IPMK: variants seen among roughly 807,000 people sequenced by gnomAD.
IPMK encodes the protein inositol polyphosphate multikinase, also known as inositol 1,3,4,6-tetrakisphosphate 5-kinase.
IPMK carries 17 observed loss-of-function variants against 45.8 expected under a neutral mutation model. The observed-to-expected ratio is 0.37, with a 90% confidence interval of 0.25 to 0.56. The LOEUF (loss-of-function observed/expected upper bound fraction) is 0.56, where lower values mean the gene tolerates loss of function less well. Ranked by LOEUF, IPMK falls within the 20% of genes least tolerant of loss-of-function variation. The pLI, the probability that IPMK is intolerant of heterozygous loss-of-function variation, is 0.79. For synonymous variants in IPMK, 180 were observed against 184.3 expected, an observed-to-expected ratio of 0.98 and a Z score of 0.19; for missense variants, 399 against 498.0, an observed-to-expected ratio of 0.80 and a Z score of 1.89.
intron 4 of IPMK, chr10:58,212,979 A>C (rs748402177): frequency 5.5e-6 from 1 of 181,480 alleles, no homozygotes; most frequent in South Asian, 1.4e-4. Flanking sequence ...CCCAAATCTC[A>C]TAAATGTGGA....
intron 5 of IPMK, among the ~76,000 whole-genome samples, chr10:58,197,759 G>A (rs1300373426): frequency 1.3e-5 from 2 of 152,048 alleles, no homozygotes; most frequent in Non-Finnish European, 2.9e-5. Context: ...CGGGCTGGGC[G>A]CAGTGGCTCA....
chr10:58,204,901 G>A (rs1479582224), intron 4 of IPMK, among the ~76,000 whole-genome samples: 1 of 152,068 alleles, frequency 6.6e-6, no homozygotes, highest in East Asian at 1.9e-4. Flanking sequence ...CTTGGCATAA[G>A]GATAGACAAT....
intron 1 of IPMK, among the ~76,000 whole-genome samples, chr10:58,259,678 A>AAAAAAAAAAAAAAAAAAAAAAAC (rs984861270): frequency 1.4e-5 from 2 of 144,594 alleles, no homozygotes; most frequent in East Asian, 2.3e-4. Flanking sequence ...ACATAAAAAA[A>AAAAAAAAAAAAAAAAAAAAAAAC]AAAAAAAAAC....
intron 4 of IPMK, among the ~76,000 whole-genome samples, chr10:58,214,815 T>C (rs772520743): frequency 6.6e-6 from 1 of 152,246 alleles, no homozygotes; most frequent in Non-Finnish European, 1.5e-5. Flanking sequence ...AGCATTTGTT[T>C]AGAGGACTTT....
intron 1 of IPMK, 98 bp from the exon 2 acceptor site, chr10:58,237,912 C>T: frequency 1.2e-6 from 1 of 837,272 alleles, no homozygotes. Flanking sequence ...AAACTACTTC[C>T]ATTAAACTTA....
intron 1 of IPMK, among the ~76,000 whole-genome samples, chr10:58,238,043 A>G (rs539471926): frequency 6.6e-6 from 1 of 152,264 alleles, no homozygotes; most frequent in Non-Finnish European, 1.5e-5. Flanking sequence ...TCCAACCACT[A>G]CCTCTTTTGG....
At chr10:58,260,308 A>C (rs1360474589) in intron 1 of IPMK, among the ~76,000 whole-genome samples, 1 of 152,240 alleles carries the variant, frequency 6.6e-6, no homozygotes, top group Non-Finnish European at 1.5e-5. Context: ...AGGAAACTAA[A>C]GAATCGTAAC....
At chr10:58,228,046 C>A (rs1464724152) in intron 2 of IPMK, among the ~76,000 whole-genome samples, 1 of 152,156 alleles carries the variant, frequency 6.6e-6, no homozygotes, top group South Asian at 2.1e-4. Context: ...GACCAAATAT[C>A]CAAGTGGTAC....
At chr10:58,235,954 G>A (rs1838606143) in intron 2 of IPMK, among the ~76,000 whole-genome samples, 1 of 150,328 alleles carries the variant, frequency 6.7e-6, no homozygotes, top group Non-Finnish European at 1.5e-5. Context: ...TTTAGAGAGA[G>A]TCTCACCCTG....
intron 4 of IPMK, among the ~76,000 whole-genome samples, chr10:58,202,175 T>C (rs955961959): frequency 1.3e-5 from 2 of 152,208 alleles, no homozygotes; most frequent in African/African-American, 2.4e-5. Flanking sequence ...TGAAGGTATC[T>C]ACCCCAAACC....
intron 1 of IPMK, among the ~76,000 whole-genome samples, chr10:58,252,355 T>A (rs1006241813): frequency 1.3e-5 from 2 of 152,144 alleles, no homozygotes; most frequent in Non-Finnish European, 2.9e-5. Flanking sequence ...TATTAAGAGT[T>A]TTGTCTTTTA....
rs755244227 is a variant in IPMK, at chr10:58,267,547, G to A, written c.65C>T (p.Ser22Leu). ...CTCAGGGGTGGACTCGATCGCCGGT[G>A]AGGTCCGCATTTCTGGGGGGCCCGG... ...EAPGPPEMRT[S>L]PAIESTPEGT... Residue 22 changes from serine (S) to leucine (L), a missense_variant, in exon 1 of 6, where the codon TCA becomes TTA. Physicochemically the swap from Ser to Leu is moderately radical, Grantham distance 145. Around this residue, in one of 2 missense-constraint regions of IPMK, gnomAD observed 111 missense variants for 99.9 expected, o/e 1.11. Transcript: ENST00000373935. 7.4e-6 allele frequency: 12 copies of A among 1,611,558 alleles called. No homozygotes were observed. Among genetic ancestry groups the A allele is most frequent in the Non-Finnish European group, 1.0e-5 (12 of 1,179,194 alleles).
At position 58,218,088 on chromosome 10, in the gene IPMK, A is replaced by G. The variant is rs1334671840; in HGVS notation, c.374-1771T>C. Among the ~76,000 whole-genome samples the G allele has an allele frequency of 2.0e-5, 3 of 152,226 alleles. No homozygotes were observed. The East Asian group carries it at 5.8e-4, about 29-fold the overall frequency. ...TTATGCTTTAGTCAAAGAAGAAGAG[A>G]GCAGGGTTATAACTCTGTAGAACTA... is the stretch of plus-strand genomic sequence containing the variant. On this transcript the variant is annotated intron_variant, in intron 3 of 5. Transcript: ENST00000373935.
intron 4 of IPMK, among the ~76,000 whole-genome samples, chr10:58,202,830 T>A (rs1034646028): frequency 2.0e-5 from 3 of 152,218 alleles, no homozygotes; most frequent in African/African-American, 7.2e-5. Flanking sequence ...ACAGTGCACC[T>A]GGTCACCTAA....
chr10:58,202,247 T>C (rs1430554934), intron 4 of IPMK, among the ~76,000 whole-genome samples: 2 of 152,136 alleles, frequency 1.3e-5, no homozygotes, highest in Non-Finnish European at 2.9e-5. Flanking sequence ...AGGGTTTTCA[T>C]AGCTAGAGAT....
intron 4 of IPMK, among the ~76,000 whole-genome samples, chr10:58,205,966 G>A (rs555283351): frequency 6.6e-6 from 1 of 152,138 alleles, no homozygotes; most frequent in Non-Finnish European, 1.5e-5. Context: ...ATCTACCTGA[G>A]AGAAATAAAA....
chr10:58,229,447 C>T (rs1016151656), intron 2 of IPMK, among the ~76,000 whole-genome samples: 8 of 151,036 alleles, frequency 5.3e-5, no homozygotes, highest in African/African-American at 2.0e-4. Flanking sequence ...CCTGTAATCC[C>T]AGCTACTCAG....
In IPMK at chr10:58,194,185, C is replaced by A. The variant is rs1588948262; in HGVS notation, c.*1891G>T. 6.6e-6 allele frequency: 1 copy of A among 151,698 alleles called. No individual in the cohort carries two copies. Among genetic ancestry groups the A allele is most frequent in the Non-Finnish European group, 1.5e-5 (1 of 67,702 alleles). 9.4% of individuals were successfully genotyped at this position (151,698 alleles called of 1,614,324 possible). A position where few individuals can be genotyped will look rare whatever the true frequency, so the allele number is the denominator to read the frequency against. On this transcript the variant is annotated 3_prime_UTR_variant, in exon 6 of 6. Coordinates refer to ENST00000373935, the MANE Select transcript of IPMK (RefSeq NM_152230.5). ...TTCATTGTACATAGGTTGATATCATCCCATACAAAAAAAGCCTCAGTATCT... is the reference window on the plus strand; with the variant it reads ...TTCATTGTACATAGGTTGATATCATACCATACAAAAAAAGCCTCAGTATCT...
chr10:58,247,355 C>G (rs1422162091), intron 1 of IPMK, among the ~76,000 whole-genome samples: 3 of 151,316 alleles, frequency 2.0e-5, no homozygotes, highest in South Asian at 2.1e-4. Context: ...CACATGCACA[C>G]GTATGTTTAT....
Sources: gnomAD v4.1 joint callset for allele counts (sites outside exome capture counted in the v4.1 genomes callset) on GRCh38, gnomAD v4.1.1 for gene constraint, gnomAD v4.1.1 regional missense constraint, MANE v1.5 for transcripts, NCBI Gene and HGNC (gene_info 2026-07-23, HGNC 2026-07-21) for gene names.